DUS2: variants seen among roughly 807,000 people sequenced by gnomAD.
DUS2 encodes the protein tRNA-dihydrouridine(20) synthase [NAD(P)+]-like.
In DUS2, 52 loss-of-function variants were observed where a neutral mutation model predicts 71.3. That is an observed-to-expected ratio of 0.73 (90% CI 0.58 to 0.92). DUS2 has a LOEUF of 0.92. DUS2 is among the 40% of genes least tolerant of loss of function. The pLI, the probability that DUS2 is intolerant of heterozygous loss-of-function variation, is 0.00. For synonymous variants in DUS2, 204 were observed against 227.8 expected (o/e 0.90, Z 0.94); for missense variants, 558 against 622.6 (o/e 0.90, Z 1.10).
chr16:68,024,398 A>C (rs952435872), intron 1 of DUS2, among the ~76,000 whole-genome samples: 1 of 152,058 alleles, frequency 6.6e-6, no homozygotes, highest in Non-Finnish European at 1.5e-5. Flanking sequence ...CATGCCCAAC[A>C]GATACTTCTT....
At chr16:68,056,857 ATTAT>A (rs1170182745) in intron 7 of DUS2, among the ~76,000 whole-genome samples, 2 of 143,840 alleles carry the variant, frequency 1.4e-5, no homozygotes, top group African/African-American at 2.6e-5. Flanking sequence ...AATGTTATAT[ATTAT>A]TTATATGTTA....
chr16:68,072,606 G>A (rs2034102443), intron 12 of DUS2, among the ~76,000 whole-genome samples: 1 of 152,176 alleles, frequency 6.6e-6, no homozygotes, highest in African/African-American at 2.4e-5. Context: ...ACCAGCCGGG[G>A]CGCCCCGACT....
chr16:68,053,311 G>A (rs1469646884), intron 4 of DUS2, among the ~76,000 whole-genome samples: 1 of 152,182 alleles, frequency 6.6e-6, no homozygotes, highest in African/African-American at 2.4e-5. Flanking sequence ...TTCAGAAAAA[G>A]TGCATTAAAC....
At chr16:68,027,193 A>T (rs1463433621) in intron 2 of DUS2, 1 of 151,538 alleles carries the variant, frequency 6.6e-6, no homozygotes, top group African/African-American at 2.4e-5. Context: ...TGACTGAAGC[A>T]TGGAGTGGAT....
intron 2 of DUS2, among the ~76,000 whole-genome samples, chr16:68,027,679 G>A (rs1344560619): frequency 1.3e-5 from 2 of 152,268 alleles, no homozygotes; most frequent in East Asian, 1.9e-4. Context: ...TTGACAGATA[G>A]TTGCTCTTCT....
At chr16:68,068,981 A>G (rs1034175638) in intron 10 of DUS2, among the ~76,000 whole-genome samples, 1 of 152,060 alleles carries the variant, frequency 6.6e-6, no homozygotes, top group Non-Finnish European at 1.5e-5. Context: ...GAGTTTGAAG[A>G]AGCCCTTTGT....
At chr16:68,040,927 C>G (rs777857580) in intron 3 of DUS2, among the ~76,000 whole-genome samples, 6 of 152,068 alleles carry the variant, frequency 3.9e-5, no homozygotes, top group Non-Finnish European at 7.4e-5. Flanking sequence ...ATGTAGGCAC[C>G]TCCTTAAAAA....
rs1246200475 is a variant in DUS2, at chr16:68,070,045, G to A, written c.555-89G>A. On this transcript the variant is annotated intron_variant, in intron 10 of 16. Coordinates refer to ENST00000565263, the MANE Select transcript of DUS2 (RefSeq NM_017803.5). ...TGACCTTCCTGAGGTTCAGTGGGGA[G>A]GACAGTAAGGTTTGGCTGAGGTAAC... is the stretch of plus-strand genomic sequence containing the variant. 1.3e-5 allele frequency: 15 copies of A among 1,181,844 alleles called. No individual in the cohort carries two copies. In the East Asian group the frequency reaches 2.6e-4, roughly 20 times the overall value. The allele number at this position is 1,181,844 out of a possible 1,614,324, so 73.2% of individuals were successfully genotyped here. A position where few individuals can be genotyped will look rare whatever the true frequency, so the allele number is the denominator to read the frequency against.
Position 68,052,857 on chromosome 16 carries a change from G to A in DUS2, c.173-707G>A, listed in dbSNP as rs574134363. 6.6e-5 allele frequency among the ~76,000 whole-genome samples: 10 copies of A among 151,994 alleles called. No individual in the cohort carries two copies. The South Asian group carries it at 2.1e-3, about 32-fold the overall frequency. Reference sequence around the variant, plus strand: ...GCGGTTTTGCCATGTTGTGTAGGCTGGTTTCAAACTCCTAACCTCACATGA... The same window carrying A: ...GCGGTTTTGCCATGTTGTGTAGGCTAGTTTCAAACTCCTAACCTCACATGA... On this transcript the variant is annotated intron_variant, in intron 4 of 16. Coordinates refer to ENST00000565263, the MANE Select transcript of DUS2 (RefSeq NM_017803.5).
At chr16:68,074,473 G>A (rs1392614702) in intron 13 of DUS2, among the ~76,000 whole-genome samples, 3 of 152,190 alleles carry the variant, frequency 2.0e-5, no homozygotes, top group Non-Finnish European at 2.9e-5. Context: ...GAATTGGGCT[G>A]TAGCATGGAG....
In DUS2 at chr16:68,053,625, AAG is replaced by A; in HGVS notation, c.239_240del (p.Glu80AlafsTer26). The A allele has an allele frequency of 6.2e-7, 1 of 1,614,174 alleles. No homozygotes were observed. Among genetic ancestry groups the A allele is most frequent in the Non-Finnish European group, 8.5e-7 (1 of 1,180,022 alleles). ...ATCGAGTTGTCTTCCGCACCTGTGA[AAG>A]AGAGCAGAACAGGGTGGTCTTCCAG... is the stretch of plus-strand genomic sequence containing the variant. ...DDRVVFRTCE[R>X]EQNRVVFQMG... On this transcript the variant is annotated frameshift_variant, in exon 5 of 17. Coordinates refer to ENST00000565263, the MANE Select transcript of DUS2 (RefSeq NM_017803.5). LOFTEE classifies it high-confidence loss of function.
intron 7 of DUS2, among the ~76,000 whole-genome samples, chr16:68,058,044 A>G (rs1375589184): frequency 6.6e-6 from 1 of 152,018 alleles, no homozygotes; most frequent in Non-Finnish European, 1.5e-5. Context: ...GGACCCTGTA[A>G]GCAGAGGGTG....
chr16:68,047,817 GTTGCCCAGGGT>G (rs1189092763), intron 3 of DUS2, among the ~76,000 whole-genome samples: 1 of 144,442 alleles, frequency 6.9e-6, no homozygotes, highest in African/African-American at 2.6e-5. Flanking sequence ...GTGTCACTCT[GTTGCCCAGGGT>G]GGCATGCAGT....
intron 1 of DUS2, chr16:68,024,009 G>T (rs2151404953): frequency 6.0e-6 from 1 of 166,532 alleles, no homozygotes. Context: ...GATCAAGTAC[G>T]TGGCTTATCA....
intron 12 of DUS2, among the ~76,000 whole-genome samples, chr16:68,073,225 G>A (rs950389588): frequency 2.0e-5 from 3 of 152,192 alleles, no homozygotes; most frequent in African/African-American, 7.2e-5. Context: ...TGTACCACTA[G>A]CTGGAAGAGT....
chr16:68,078,230 C>G, intron 15 of DUS2: 1 of 590,990 alleles, frequency 1.7e-6, no homozygotes. Context: ...CTGCGCTTTG[C>G]TTAGGTCTGT....
At chr16:68,053,728 C>G in intron 5 of DUS2, 73 bp downstream of exon 5, 2 of 1,516,830 alleles carry the variant, frequency 1.3e-6, no homozygotes, top group Non-Finnish European at 1.8e-6. Context: ...ATGCCCTGTG[C>G]CAGGCCAGTG....
intron 2 of DUS2, among the ~76,000 whole-genome samples, chr16:68,030,527 A>G (rs1026739155): frequency 1.3e-5 from 2 of 152,024 alleles, no homozygotes; most frequent in African/African-American, 4.8e-5. Flanking sequence ...GGAGGTGGAG[A>G]TTGCAGTGAG....
rs1312385961 is a variant in DUS2 at position 68,079,139 on chromosome 16, C to A, written c.*153C>A. The A allele has an allele frequency of 1.5e-5, 10 of 657,612 alleles. No individual in the cohort carries two copies. The African/African-American group carries it at 1.6e-4, about 11-fold the overall frequency. The allele number at this position is 657,612 out of a possible 1,614,324, so 40.7% of individuals were successfully genotyped here. A position where few individuals can be genotyped will look rare whatever the true frequency, so the allele number is the denominator to read the frequency against. ...GGGGCCATCAGCCTAGAGCATGGAC[C>A]AGGGGCCGCCCAGGGGTGGATCCTG... On this transcript the variant is annotated 3_prime_UTR_variant, in exon 17 of 17. Coordinates refer to ENST00000565263, the MANE Select transcript of DUS2 (RefSeq NM_017803.5).
Sources: gnomAD v4.1 joint callset for allele counts (sites outside exome capture counted in the v4.1 genomes callset) on GRCh38, gnomAD v4.1.1 for gene constraint, MANE v1.5 for transcripts, NCBI Gene and HGNC (gene_info 2026-07-23, HGNC 2026-07-21) for gene names.